Variants in PLPP1 observed in about 807,000 individuals in gnomAD.
The protein encoded by PLPP1 is lipid phosphate phosphohydrolase 1a.
Under a neutral mutation model 31.2 loss-of-function variants are expected in PLPP1, and 24 were observed. The ratio of observed to expected loss-of-function variants is 0.77; its 90% CI spans 0.56 to 1.08. The LOEUF (loss-of-function observed/expected upper bound fraction) is 1.08. Ranked by LOEUF, PLPP1 falls within the 50% of genes least tolerant of loss-of-function variation. The probability of loss-of-function intolerance (pLI) is 0.00; values close to 1 mark genes in which losing one functional copy is unlikely to be tolerated. For missense variants in PLPP1, 319 were observed against 342.7 expected (o/e 0.93, Z 0.55); for synonymous variants, 146 against 126.3 (o/e 1.16, Z -1.05).
chr5:55,460,346 CA>C (rs1752126909), intron 3 of PLPP1, among the ~76,000 whole-genome samples: 1 of 151,682 alleles, frequency 6.6e-6, no homozygotes, highest in Non-Finnish European at 1.5e-5. Flanking sequence ...AAACTGAACA[CA>C]AAAAATAGAT....
chr5:55,439,351 C>A (rs1751568484), intron 4 of PLPP1, among the ~76,000 whole-genome samples: 1 of 152,176 alleles, frequency 6.6e-6, no homozygotes, highest in African/African-American at 2.4e-5. Context: ...GAGCTGTAAC[C>A]AATCCGGCAG....
chr5:55,443,192 A>ATATAT (rs1554037280), intron 3 of PLPP1, among the ~76,000 whole-genome samples: 10 of 25,444 alleles, frequency 3.9e-4, no homozygotes, highest in Admixed American at 7.8e-4. Context: ...AAAAAAAAAA[A>ATATAT]ATATATATAT....
At chr5:55,496,072 C>T (rs1752997895) in intron 1 of PLPP1, among the ~76,000 whole-genome samples, 1 of 152,036 alleles carries the variant, frequency 6.6e-6, no homozygotes, top group African/African-American at 2.4e-5. Flanking sequence ...TGGCCAGGCT[C>T]ATCTTGAACT....
At chr5:55,501,370 T>C (rs1438552756) in intron 1 of PLPP1, among the ~76,000 whole-genome samples, 1 of 152,134 alleles carries the variant, frequency 6.6e-6, no homozygotes, top group Non-Finnish European at 1.5e-5. Context: ...AACTAACGTA[T>C]AGCCTTTATG....
rs771895856 is a variant in PLPP1 at position 55,424,947 on chromosome 5, CA to C, written c.*258del. The C allele has an allele frequency of 8.2e-5, 52 of 634,324 alleles. No homozygotes were observed. Among genetic ancestry groups the C allele is most frequent in the Non-Finnish European group, 1.1e-4 (43 of 375,274 alleles). 39.3% of individuals were successfully genotyped at this position (634,324 alleles called of 1,614,324 possible). A position where few individuals can be genotyped will look rare whatever the true frequency, so the allele number is the denominator to read the frequency against. ...CATACATGTTTATACATAAGCATTA[CA>C]TTTTTTTAATAAAAATGTATACAGG... On this transcript the variant is annotated 3_prime_UTR_variant, in exon 6 of 6. Coordinates refer to ENST00000307259, the MANE Select transcript of PLPP1 (RefSeq NM_003711.4).
rs1483721214 is a variant in PLPP1 at position 55,475,187 on chromosome 5, T to C, written c.210+112A>G. 2.9e-5 allele frequency: 29 copies of C among 1,000,098 alleles called. No individual in the cohort carries two copies. In the East Asian group the frequency reaches 8.4e-4, roughly 29 times the overall value. The allele number at this position is 1,000,098 out of a possible 1,614,324, so 62.0% of individuals were successfully genotyped here. ...TCAAATAAAGCATCAATTAAAGGTTTAAAAAGCATACATTGTTTTTGGAGG... is the reference window on the plus strand; with the variant it reads ...TCAAATAAAGCATCAATTAAAGGTTCAAAAAGCATACATTGTTTTTGGAGG... On this transcript the variant is annotated intron_variant, in intron 2 of 5. Coordinates refer to ENST00000307259, the MANE Select transcript of PLPP1 (RefSeq NM_003711.4).
intron 4 of PLPP1, among the ~76,000 whole-genome samples, chr5:55,439,973 G>A (rs966918852): frequency 4.6e-5 from 7 of 152,038 alleles, no homozygotes; most frequent in Admixed American, 2.0e-4. Context: ...ATACAGCATG[G>A]GATCCTGATT....
chr5:55,524,667 C>T (rs1007817924), intron 1 of PLPP1, among the ~76,000 whole-genome samples: 3 of 151,774 alleles, frequency 2.0e-5, no homozygotes, highest in Non-Finnish European at 4.4e-5. Context: ...AAAATTAGCC[C>T]GACGTGGTGG....
chr5:55,501,367 G>A (rs1050967367), intron 1 of PLPP1, among the ~76,000 whole-genome samples: 3 of 152,030 alleles, frequency 2.0e-5, no homozygotes, highest in African/African-American at 4.8e-5. Context: ...AAAAACTAAC[G>A]TATAGCCTTT....
At position 55,530,312 on chromosome 5, in the gene PLPP1, A is replaced by C. The variant is rs967997051; in HGVS notation, c.58+4260T>G. 26 of 1,478,848 alleles carry C rather than the reference A, an allele frequency of 1.8e-5. No individual in the cohort carries two copies. In the African/African-American group the frequency reaches 3.2e-4, roughly 18 times the overall value. 91.6% of individuals were successfully genotyped at this position (1,478,848 alleles called of 1,614,324 possible). A position where few individuals can be genotyped will look rare whatever the true frequency, so the allele number is the denominator to read the frequency against. ...TCTGGCTAGGATCTCCCCAAGGAAGAGATACACAAATAGGACATGTCACAG... is the reference window on the plus strand; with the variant it reads ...TCTGGCTAGGATCTCCCCAAGGAAGCGATACACAAATAGGACATGTCACAG... On this transcript the variant is annotated intron_variant, in intron 1 of 5. Coordinates refer to ENST00000307259, the MANE Select transcript of PLPP1 (RefSeq NM_003711.4).
Position 55,425,093 on chromosome 5 carries a change from A to C in PLPP1, c.*113T>G, listed in dbSNP as rs1376357097. 7 of 1,354,850 alleles carry C rather than the reference A, an allele frequency of 5.2e-6. No homozygotes were observed. The East Asian group carries it at 1.2e-4, about 22-fold the overall frequency. 83.9% of individuals were successfully genotyped at this position (1,354,850 alleles called of 1,614,324 possible). ...GTGTGCATCCAAGAGGCATAGCAGC[A>C]GCAGAAGTCTTTAAAGGCTTGTACA... is the stretch of plus-strand genomic sequence containing the variant. On this transcript the variant is annotated 3_prime_UTR_variant, in exon 6 of 6. Coordinates refer to ENST00000307259, the MANE Select transcript of PLPP1 (RefSeq NM_003711.4).
chr5:55,457,803 C>T (rs929801159), intron 3 of PLPP1, among the ~76,000 whole-genome samples: 2 of 151,374 alleles, frequency 1.3e-5, no homozygotes, highest in Admixed American at 6.6e-5. Flanking sequence ...GCAGGAGAAT[C>T]GCTTGAACCC....
Position 55,512,723 on chromosome 5 carries a change from T to TACAC in PLPP1, c.58+21845_58+21848dup, listed in dbSNP as rs71600885. On this transcript the variant is annotated intron_variant, in intron 1 of 5. Transcript: ENST00000307259. The stretch of plus-strand genomic sequence containing the variant: ...CAAAAGAGTAAAATACATTATAAAC[T>TACAC]ACACACACACACACACACACCCCTT... Among the ~76,000 whole-genome samples, 414 of 43,206 alleles carry TACAC rather than the reference T, an allele frequency of 9.6e-3. 2 individuals carry two copies. Among genetic ancestry groups the TACAC allele is most frequent in the Non-Finnish European group, 0.023 (250 of 11,094 alleles). The allele number at this position is 43,206 out of a possible 152,430, so 28.3% of individuals were successfully genotyped here.
chr5:55,528,158 A>G (rs1995039), intron 1 of PLPP1, among the ~76,000 whole-genome samples: 118,243 of 152,112 alleles, frequency 0.78, 47,049 homozygotes, highest in Non-Finnish European at 0.87. Flanking sequence ...CTGCCCGCAA[A>G]TAAGTCATAA....
chr5:55,430,382 G>A (rs917876046), intron 4 of PLPP1, among the ~76,000 whole-genome samples: 9 of 152,194 alleles, frequency 5.9e-5, no homozygotes, highest in Non-Finnish European at 7.3e-5. Flanking sequence ...CCTGGGGCTC[G>A]AGGATGGGCC....
At position 55,491,199 on chromosome 5, in the gene PLPP1, T is replaced by C. The variant is rs6860638; in HGVS notation, c.59-15749A>G. On this transcript the variant is annotated intron_variant, in intron 1 of 5. Transcript: ENST00000307259. ...TAAAGTCTACTGAATGGGATGCAAA[T>C]CCTAGCCATATTTTGCCCTCTCTGG... The C allele has an allele frequency of 2.7e-4, 393 of 1,434,728 alleles. No homozygotes were observed. In the African/African-American group the frequency reaches 5.3e-3, roughly 19 times the overall value. The allele number at this position is 1,434,728 out of a possible 1,614,324, so 88.9% of individuals were successfully genotyped here. A position where few individuals can be genotyped will look rare whatever the true frequency, so the allele number is the denominator to read the frequency against.
chr5:55,433,609 C>T (rs1483966920), intron 4 of PLPP1, among the ~76,000 whole-genome samples: 3 of 148,074 alleles, frequency 2.0e-5, no homozygotes, highest in Non-Finnish European at 4.5e-5. Flanking sequence ...AAGCAATTCT[C>T]CTGCCTCAGC....
intron 1 of PLPP1, among the ~76,000 whole-genome samples, chr5:55,499,402 C>G (rs971460204): frequency 6.6e-6 from 1 of 152,152 alleles, no homozygotes; most frequent in African/African-American, 2.4e-5. Context: ...ACTATGCACT[C>G]TCAGTAAAAA....
chr5:55,482,849 CA>C (rs1752699320), intron 1 of PLPP1, among the ~76,000 whole-genome samples: 1 of 152,144 alleles, frequency 6.6e-6, no homozygotes. Context: ...TTCTTATTAC[CA>C]TTTAAGTAAG....
Sources: allele counts gnomAD v4.1 joint callset (sites outside exome capture counted in the v4.1 genomes callset), GRCh38; gene constraint gnomAD v4.1.1; transcripts MANE v1.5; gene names NCBI Gene and HGNC (gene_info 2026-07-23, HGNC 2026-07-21).